The following TAFA2 variants were observed in gnomAD, a reference collection of about 807,000 sequenced individuals.
The protein encoded by TAFA2 is TAFA chemokine like family member 2.
A neutral mutation model predicts 18.8 loss-of-function variants in TAFA2; 7 were observed. That is an observed-to-expected ratio of 0.37 (90% CI 0.21 to 0.70). The LOEUF is 0.70. Among genes scored for constraint, TAFA2 ranks in the 30% least tolerant of loss-of-function variants. TAFA2 has a pLI of 0.53. For synonymous variants in TAFA2, 60 were observed against 54.2 expected (o/e 1.11, Z -0.47); for missense variants, 122 against 158.1 (o/e 0.77, Z 1.23).
intron 2 of TAFA2, among the ~76,000 whole-genome samples, chr12:61,818,508 C>A (rs1872186152): frequency 6.6e-6 from 1 of 151,698 alleles, no homozygotes; most frequent in Non-Finnish European, 1.5e-5. Flanking sequence ...CACACACACA[C>A]ACACACACAC....
intron 1 of TAFA2, among the ~76,000 whole-genome samples, chr12:62,167,639 C>T (rs975301603): frequency 6.6e-6 from 1 of 152,102 alleles, no homozygotes; most frequent in Non-Finnish European, 1.5e-5. Flanking sequence ...TTTAAAAGTT[C>T]ACATATCCTA....
intron 1 of TAFA2, among the ~76,000 whole-genome samples, chr12:62,181,999 C>CCCT (rs548525246): frequency 1.3e-5 from 2 of 150,284 alleles, no homozygotes; most frequent in Non-Finnish European, 3.0e-5. Flanking sequence ...ATCCCCCCCC[C>CCCT]GCTACACATA....
intron 1 of TAFA2, among the ~76,000 whole-genome samples, chr12:62,164,634 A>T (rs2062427341): frequency 6.6e-6 from 1 of 152,106 alleles, no homozygotes; most frequent in Non-Finnish European, 1.5e-5. Flanking sequence ...CTGTGAACCT[A>T]AAAAACAAGA....
chr12:61,963,474 G>T (rs1878959845), intron 1 of TAFA2, among the ~76,000 whole-genome samples: 1 of 151,802 alleles, frequency 6.6e-6, no homozygotes, highest in African/African-American at 2.4e-5. Context: ...TCATATGTTT[G>T]TTGGCTGCAT....
chr12:62,070,876 A>G (rs1882613192), intron 1 of TAFA2, among the ~76,000 whole-genome samples: 1 of 152,126 alleles, frequency 6.6e-6, no homozygotes. Context: ...TAAAACATGA[A>G]TGTTTCAGCT....
At chr12:61,826,555 A>G (rs1235736488) in intron 2 of TAFA2, among the ~76,000 whole-genome samples, 2 of 152,222 alleles carry the variant, frequency 1.3e-5, no homozygotes, top group African/African-American at 4.8e-5. Flanking sequence ...AAGTGTTAAT[A>G]CCACCACAAA....
chr12:61,733,585 A>G (rs1868257175), intron 4 of TAFA2, among the ~76,000 whole-genome samples: 2 of 147,450 alleles, frequency 1.4e-5, no homozygotes, highest in African/African-American at 5.0e-5. Context: ...ATAGTTGTAG[A>G]TATGCGGCGT....
intron 1 of TAFA2, 81 bp downstream of exon 1, chr12:62,191,178 G>C (rs942590896): frequency 1.9e-4 from 29 of 152,106 alleles, no homozygotes; most frequent in African/African-American, 6.3e-4. Flanking sequence ...GTGCACACGG[G>C]GGCTTCCGGG....
intron 1 of TAFA2, among the ~76,000 whole-genome samples, chr12:61,922,582 C>A (rs1462713142): frequency 6.6e-6 from 1 of 152,206 alleles, no homozygotes; most frequent in Non-Finnish European, 1.5e-5. Context: ...AACTACTTTT[C>A]CCATGGTCTT....
intron 1 of TAFA2, among the ~76,000 whole-genome samples, chr12:62,061,170 C>T (rs1468411602): frequency 2.0e-5 from 3 of 152,044 alleles, no homozygotes; most frequent in Admixed American, 2.0e-4. Flanking sequence ...AAATCTTCAC[C>T]TTCTCTCATT....
intron 1 of TAFA2, among the ~76,000 whole-genome samples, chr12:62,226,845 G>A (rs2062789098): frequency 6.6e-6 from 1 of 152,070 alleles, no homozygotes; most frequent in African/African-American, 2.4e-5. Context: ...AATCTGGCCC[G>A]TCCCCTGTAA....
intron 1 of TAFA2, among the ~76,000 whole-genome samples, chr12:62,037,111 T>C (rs1007166934): frequency 1.3e-5 from 2 of 152,188 alleles, no homozygotes; most frequent in Non-Finnish European, 2.9e-5. Flanking sequence ...TAAGAAAAAA[T>C]AGAACATTTT....
At chr12:61,978,424 A>G (rs1879512258) in intron 1 of TAFA2, among the ~76,000 whole-genome samples, 1 of 152,066 alleles carries the variant, frequency 6.6e-6, no homozygotes, top group Admixed American at 6.6e-5. Flanking sequence ...CTCTAATAAC[A>G]ATTTTCAAAA....
chr12:62,200,795 C>A (rs975743113), intron 1 of TAFA2, among the ~76,000 whole-genome samples: 1 of 152,114 alleles, frequency 6.6e-6, no homozygotes, highest in African/African-American at 2.4e-5. Flanking sequence ...TGAAGAATGT[C>A]AATGGTAGTT....
In TAFA2 at chr12:61,932,772, G is replaced by A. The variant is rs980884025; in HGVS notation, c.-1-65346C>T. On this transcript the variant is annotated intron_variant, in intron 1 of 4. Transcript: ENST00000416284. ...TCTTGTAATGGCCCAGGACAGGCCC[G>A]CAAAGTACTTCTTTGCTATTCCACA... 3.2e-4 allele frequency among the ~76,000 whole-genome samples: 49 copies of A among 152,102 alleles called. 1 individual carries two copies. Among genetic ancestry groups the A allele is most frequent in the African/African-American group, 9.9e-4 (41 of 41,428 alleles).
intron 1 of TAFA2, among the ~76,000 whole-genome samples, chr12:61,907,815 G>T (rs1876426697): frequency 6.6e-6 from 1 of 152,222 alleles, no homozygotes; most frequent in South Asian, 2.1e-4. Context: ...CTCACCTTTT[G>T]CATCGGTGTG....
intron 2 of TAFA2, among the ~76,000 whole-genome samples, chr12:61,767,162 C>T (rs141959591): frequency 1.2e-4 from 19 of 152,232 alleles, no homozygotes; most frequent in African/African-American, 4.3e-4. Context: ...TGAAAGCCTG[C>T]TCATCAGAGA....
intron 1 of TAFA2, among the ~76,000 whole-genome samples, chr12:62,001,723 C>A (rs1362079365): frequency 6.6e-6 from 1 of 152,152 alleles, no homozygotes; most frequent in Non-Finnish European, 1.5e-5. Context: ...TCCTAACAGG[C>A]CACAGACAGA....
At chr12:62,257,451 T>C (rs1431134067) in intron 1 of TAFA2, among the ~76,000 whole-genome samples, 2 of 152,130 alleles carry the variant, frequency 1.3e-5, no homozygotes, top group South Asian at 2.1e-4. Context: ...GTCCCATCTC[T>C]TAATTGTTGA....
Sources: allele counts gnomAD v4.1 joint callset (sites outside exome capture counted in the v4.1 genomes callset), GRCh38; gene constraint gnomAD v4.1.1; transcripts MANE v1.5; gene names NCBI Gene and HGNC (gene_info 2026-07-23, HGNC 2026-07-21).